DCDC2: variants seen among roughly 807,000 people sequenced by gnomAD.
DCDC2 encodes doublecortin domain-containing protein 2.
Under a neutral mutation model 50.2 loss-of-function variants are expected in DCDC2, and 40 were observed. The observed-to-expected ratio is 0.80, with a 90% CI of 0.62 to 1.04. The LOEUF (loss-of-function observed/expected upper bound fraction) is 1.04, where lower values mean the gene tolerates loss of function less well. DCDC2 is among the 50% of genes least tolerant of loss of function. The probability of loss-of-function intolerance (pLI) is 0.00; values close to 1 mark genes in which losing one functional copy is unlikely to be tolerated. For missense variants in DCDC2, 570 were observed against 581.9 expected (o/e 0.98, Z 0.21); for synonymous variants, 234 against 210.6 (o/e 1.11, Z -0.96).
chr6:24,361,317 T>C (rs1760663139), upstream of DCDC2, among the ~76,000 whole-genome samples: 1 of 151,934 alleles, frequency 6.6e-6, no homozygotes, highest in African/African-American at 2.4e-5. Flanking sequence ...AAAATAACTG[T>C]TGAGTATCAG....
rs567036123 is a variant in DCDC2 at position 24,178,435 on chromosome 6, G to C, written c.1221C>G (p.Gly407=). Residue 407 remains glycine (G), a synonymous_variant, in exon 9 of 10, where the codon GGC becomes GGG. Transcript: ENST00000378454. Reference sequence around the variant, plus strand: ...GCTCCTCACCATTCTCCTCATCGGTGCCTCCATTTACACGAGCAGGGCGTG... The same window carrying C: ...GCTCCTCACCATTCTCCTCATCGGTCCCTCCATTTACACGAGCAGGGCGTG... The part of the protein sequence containing the change: ...QQARPARVNG[G]TDEENGEELQ... The C allele has an allele frequency of 1.8e-4, 293 of 1,614,164 alleles. No individual in the cohort carries two copies. The highest frequency in any genetic ancestry group is 2.4e-4 in the Non-Finnish European group (287 of 1,180,028).
At chr6:24,377,525 T>G in the DCDC2 span, among the ~76,000 whole-genome samples, 25 of 152,322 alleles carry the variant, frequency 1.6e-4, no homozygotes, top group East Asian at 4.8e-3. Context: ...AAAATGTCAT[T>G]ATACTTCAAA....
At chr6:24,199,616 T>C (rs1292573016) in intron 8 of DCDC2, among the ~76,000 whole-genome samples, 2 of 152,196 alleles carry the variant, frequency 1.3e-5, no homozygotes, top group Non-Finnish European at 1.5e-5. Flanking sequence ...CTCCAAAGGA[T>C]CACAACTCCT....
At chr6:24,317,372 C>A (rs1232322372) in intron 2 of DCDC2, among the ~76,000 whole-genome samples, 1 of 152,002 alleles carries the variant, frequency 6.6e-6, no homozygotes, top group South Asian at 2.1e-4. Flanking sequence ...ATGAAGTTGG[C>A]ATTTCAAATC....
At chr6:24,358,964 AT>A (rs1362996652), upstream of DCDC2, among the ~76,000 whole-genome samples, 1 of 67,160 alleles carries the variant, frequency 1.5e-5, no homozygotes, top group East Asian at 4.7e-4. Flanking sequence ...TATATTATAT[AT>A]TATATATTTT....
intron 5 of DCDC2, among the ~76,000 whole-genome samples, chr6:24,289,717 A>G (rs1581633950): frequency 6.6e-6 from 1 of 152,128 alleles, no homozygotes; most frequent in Non-Finnish European, 1.5e-5. Flanking sequence ...TAGTTCAAAC[A>G]CCACCCCTGA....
chr6:24,242,085 G>T (rs1046428086), intron 7 of DCDC2, among the ~76,000 whole-genome samples: 1 of 152,142 alleles, frequency 6.6e-6, no homozygotes, highest in Admixed American at 6.5e-5. Flanking sequence ...AGAGGCAGGA[G>T]AATCACTTGA....
chr6:24,206,011 T>C lies in DCDC2; in HGVS notation c.923-909A>G, dbSNP rs150053571. On this transcript the variant is annotated intron_variant, in intron 7 of 9. Coordinates refer to ENST00000378454, the MANE Select transcript of DCDC2 (RefSeq NM_016356.5). ...TTGATTACCCCTACAGTCTAGAAAATATATTTTTATCTTTTGCCTTAAAAC... is the reference window on the plus strand; with the variant it reads ...TTGATTACCCCTACAGTCTAGAAAACATATTTTTATCTTTTGCCTTAAAAC... Among the ~76,000 whole-genome samples, 509 of 152,282 alleles carry C rather than the reference T, an allele frequency of 3.3e-3. 2 individuals carry two copies. Among genetic ancestry groups the C allele is most frequent in the Non-Finnish European group, 5.3e-3 (359 of 68,010 alleles).
intron 7 of DCDC2, among the ~76,000 whole-genome samples, chr6:24,273,011 C>T (rs1247354802): frequency 3.1e-5 from 2 of 64,420 alleles, no homozygotes; most frequent in Non-Finnish European, 6.5e-5. Context: ...TAAAGACATA[C>T]ACACACACAC....
intron 7 of DCDC2, among the ~76,000 whole-genome samples, chr6:24,247,833 G>A (rs1762712458): frequency 6.6e-6 from 1 of 152,158 alleles, no homozygotes; most frequent in Non-Finnish European, 1.5e-5. Flanking sequence ...CCAGCACTTT[G>A]GGAGGCTGAA....
intron 1 of DCDC2, among the ~76,000 whole-genome samples, chr6:24,356,671 C>G (rs1760473152): frequency 6.6e-6 from 1 of 152,086 alleles, no homozygotes; most frequent in Admixed American, 6.6e-5. Flanking sequence ...CCCTTTGTAG[C>G]TTGCATTAAA....
intron 7 of DCDC2, among the ~76,000 whole-genome samples, chr6:24,222,541 G>A (rs922466593): frequency 6.6e-6 from 1 of 152,188 alleles, no homozygotes; most frequent in Non-Finnish European, 1.5e-5. Flanking sequence ...AAATAAAAAT[G>A]TTAATGTGGG....
chr6:24,203,258 A>T (rs529545820), intron 8 of DCDC2, among the ~76,000 whole-genome samples: 1 of 152,342 alleles, frequency 6.6e-6, no homozygotes, highest in South Asian at 2.1e-4. Context: ...ACAGTAACCA[A>T]AACAGCATGA....
chr6:24,291,477 C>CTT (rs71002483), intron 4 of DCDC2, among the ~76,000 whole-genome samples: 10 of 86,574 alleles, frequency 1.2e-4, no homozygotes, highest in Non-Finnish European at 1.7e-4. Flanking sequence ...TTTGTTAATA[C>CTT]TTTTTTTTTT....
intron 8 of DCDC2, among the ~76,000 whole-genome samples, chr6:24,204,295 T>C (rs1761658519): frequency 6.6e-6 from 1 of 152,168 alleles, no homozygotes; most frequent in African/African-American, 2.4e-5. Context: ...CACCACGGAA[T>C]ACTATGCAGC....
intron 2 of DCDC2, among the ~76,000 whole-genome samples, chr6:24,313,971 G>T (rs1759616582): frequency 6.6e-6 from 1 of 152,112 alleles, no homozygotes; most frequent in African/African-American, 2.4e-5. Context: ...ACTGGACTGG[G>T]AGTCAGCTCC....
At chr6:24,205,345 C>G in intron 7 of DCDC2, 1 of 1,499,000 alleles carries the variant, frequency 6.7e-7, no homozygotes, top group Non-Finnish European at 8.9e-7. Flanking sequence ...TGTCGAAGCT[C>G]CTGTTCACCC....
At chr6:24,328,631 ACT>A (rs760590731) in intron 2 of DCDC2, among the ~76,000 whole-genome samples, 17 of 151,858 alleles carry the variant, frequency 1.1e-4, no homozygotes, top group Admixed American at 3.9e-4. Flanking sequence ...CTATGTCCCT[ACT>A]CCTGGCCTTT....
chr6:24,353,705 TAAAGC>T lies in DCDC2; in HGVS notation c.294-87_294-83del. 8.1e-6 allele frequency: 7 copies of T among 868,328 alleles called. No individual in the cohort carries two copies. In the South Asian group the frequency reaches 1.5e-4, roughly 18 times the overall value. 53.8% of individuals were successfully genotyped at this position (868,328 alleles called of 1,614,324 possible). A position where few individuals can be genotyped will look rare whatever the true frequency, so the allele number is the denominator to read the frequency against. On this transcript the variant is annotated intron_variant, in intron 1 of 9. Transcript: ENST00000378454. Reference sequence around the variant, plus strand: ...TTTATTTTTAAAAATCATAAAAAAATAAAGCAACTCATAGGAAATTCTCAACCTTA... The same window carrying T: ...TTTATTTTTAAAAATCATAAAAAAATAACTCATAGGAAATTCTCAACCTTA...
Sources: gnomAD v4.1 joint callset for allele counts (sites outside exome capture counted in the v4.1 genomes callset) on GRCh38, gnomAD v4.1.1 for gene constraint, MANE v1.5 for transcripts, NCBI Gene and HGNC (gene_info 2026-07-23, HGNC 2026-07-21) for gene names.